The following PALM2AKAP2 variants were observed in gnomAD, a reference collection of about 807,000 sequenced individuals.
The protein encoded by PALM2AKAP2 is PALM2 and AKAP2 fusion.
Under a neutral mutation model 71.5 loss-of-function variants are expected in PALM2AKAP2, and 37 were observed. That is an observed-to-expected ratio of 0.52 (90% CI 0.40 to 0.68). The LOEUF is 0.68. Ranked by LOEUF, PALM2AKAP2 falls within the 30% of genes least tolerant of loss-of-function variation. The probability of loss-of-function intolerance (pLI) is 0.00; values close to 1 mark genes in which losing one functional copy is unlikely to be tolerated. For synonymous variants in PALM2AKAP2, 468 were observed against 478.8 expected (o/e 0.98, Z 0.29); for missense variants, 1,224 against 1,191.8 (o/e 1.03, Z -0.40).
At chr9:109,964,368 C>T (rs1319656140) in intron 6 of PALM2AKAP2, among the ~76,000 whole-genome samples, 2 of 129,750 alleles carry the variant, frequency 1.5e-5, no homozygotes, top group African/African-American at 5.5e-5. Context: ...GCCAAATGGG[C>T]TACTGCAGGC....
At chr9:109,773,756 T>G (rs1176820795) in intron 1 of PALM2AKAP2, among the ~76,000 whole-genome samples, 2 of 134,120 alleles carry the variant, frequency 1.5e-5, no homozygotes, top group Admixed American at 7.6e-5. Flanking sequence ...TGTCTTATGT[T>G]CATTCCACTC....
chr9:109,882,455 C>G (rs889134193), intron 3 of PALM2AKAP2, among the ~76,000 whole-genome samples: 3 of 152,142 alleles, frequency 2.0e-5, no homozygotes, highest in African/African-American at 7.2e-5. Context: ...TATGTATACT[C>G]ACACACACCC....
intron 1 of PALM2AKAP2, among the ~76,000 whole-genome samples, chr9:109,653,193 C>T (rs1827249751): frequency 6.6e-6 from 1 of 152,158 alleles, no homozygotes; most frequent in Non-Finnish European, 1.5e-5. Flanking sequence ...GAATCAGAAA[C>T]TCAGCTTTCA....
chr9:110,114,429 A>T (rs1277119289), intron 1 of PALM2AKAP2, among the ~76,000 whole-genome samples: 2 of 152,184 alleles, frequency 1.3e-5, no homozygotes, highest in Non-Finnish European at 2.9e-5. Context: ...CAAGTGTTAC[A>T]TTCTGAGGTT....
intron 2 of PALM2AKAP2, among the ~76,000 whole-genome samples, chr9:109,875,969 C>T (rs561821112): frequency 1.3e-5 from 2 of 152,248 alleles, no homozygotes; most frequent in East Asian, 3.9e-4. Context: ...TGATGACATT[C>T]GTTTGACAAA....
intron 1 of PALM2AKAP2, among the ~76,000 whole-genome samples, chr9:109,725,165 AG>A (rs1828458167): frequency 2.0e-5 from 3 of 152,328 alleles, no homozygotes; most frequent in Non-Finnish European, 4.4e-5. Context: ...GTAGGAGCCT[AG>A]GGTTGGCAAG....
chr9:109,979,376 G>A (rs899271389), intron 6 of PALM2AKAP2, among the ~76,000 whole-genome samples: 1 of 152,204 alleles, frequency 6.6e-6, no homozygotes, highest in Non-Finnish European at 1.5e-5. Context: ...TGTCTTAAGA[G>A]TCTGAGGGGC....
At chr9:109,897,631 A>G (rs1302668455) in intron 3 of PALM2AKAP2, among the ~76,000 whole-genome samples, 1 of 152,166 alleles carries the variant, frequency 6.6e-6, no homozygotes, top group Non-Finnish European at 1.5e-5. Context: ...TGTTATTATC[A>G]TGACCCAAAT....
intron 5 of PALM2AKAP2, among the ~76,000 whole-genome samples, chr9:109,931,135 C>G (rs1001706284): frequency 1.3e-5 from 2 of 152,178 alleles, no homozygotes; most frequent in African/African-American, 4.8e-5. Flanking sequence ...CCAGATTTGT[C>G]TTGTCTTACC....
chr9:110,137,836 A>G (rs1835927103), exon 2 of PALM2AKAP2: 2 of 1,614,148 alleles, frequency 1.2e-6, no homozygotes, highest in African/African-American at 1.3e-5. Context: ...ACAACCCCTC[A>G]GAGGGCCGAG....
At chr9:109,943,483 C>A (rs906211333) in intron 6 of PALM2AKAP2, 24 of 1,524,824 alleles carry the variant, frequency 1.6e-5, no homozygotes, top group South Asian at 5.2e-5. Flanking sequence ...CTCACGTAGA[C>A]CTCACTGTAC....
At chr9:109,688,817 T>C (rs1039021270) in intron 1 of PALM2AKAP2, among the ~76,000 whole-genome samples, 2 of 152,204 alleles carry the variant, frequency 1.3e-5, no homozygotes, top group African/African-American at 4.8e-5. Flanking sequence ...GTCCAATTCA[T>C]CAGCCTGCCA....
At chr9:109,963,691 C>T (rs1032494628) in intron 6 of PALM2AKAP2, among the ~76,000 whole-genome samples, 1 of 152,176 alleles carries the variant, frequency 6.6e-6, no homozygotes, top group Non-Finnish European at 1.5e-5. Context: ...TGCTCCCTAC[C>T]CCTGTCCCCT....
chr9:109,701,536 G>A (rs1301547650), intron 1 of PALM2AKAP2, among the ~76,000 whole-genome samples: 2 of 152,202 alleles, frequency 1.3e-5, no homozygotes, highest in Non-Finnish European at 2.9e-5. Flanking sequence ...AAACTGGCTA[G>A]CCATATGTAG....
chr9:110,094,889 A>AT (rs1834800440), intron 1 of PALM2AKAP2, among the ~76,000 whole-genome samples: 1 of 152,244 alleles, frequency 6.6e-6, no homozygotes, highest in African/African-American at 2.4e-5. Flanking sequence ...TATTGTTAGC[A>AT]TAGTTCTTTT....
At chr9:110,017,351 G>C (rs973036426) in intron 7 of PALM2AKAP2, among the ~76,000 whole-genome samples, 2 of 152,248 alleles carry the variant, frequency 1.3e-5, no homozygotes, top group African/African-American at 4.8e-5. Context: ...ATAGTAGCCT[G>C]ATTAGTCAAA....
In PALM2AKAP2 at chr9:109,714,150, T is replaced by A. The variant is rs368308655; in HGVS notation, c.6-66338T>A. 1.1e-4 allele frequency among the ~76,000 whole-genome samples: 17 copies of A among 152,358 alleles called. No individual in the cohort carries two copies. The East Asian group carries it at 3.1e-3, about 28-fold the overall frequency. On this transcript the variant is annotated intron_variant, in intron 1 of 6. Coordinates refer to the PALM2AKAP2 transcript ENST00000374531. ...GGGACATTTCATGTCAAAAACCAAA[T>A]TAGTCACCTTTCTCTACAGAAGAGT...
At chr9:109,699,849 C>T (rs1337755712) in intron 1 of PALM2AKAP2, among the ~76,000 whole-genome samples, 1 of 151,050 alleles carries the variant, frequency 6.6e-6, no homozygotes. Flanking sequence ...GATCTCGGCT[C>T]ACTGCAACCT....
At chr9:109,779,301 A>G (rs1829395780), upstream of PALM2AKAP2, among the ~76,000 whole-genome samples, 1 of 152,176 alleles carries the variant, frequency 6.6e-6, no homozygotes, top group Non-Finnish European at 1.5e-5. Context: ...GTCACAAAAG[A>G]CTCACATTAG....
Sources: gnomAD v4.1 joint callset for allele counts (sites outside exome capture counted in the v4.1 genomes callset) on GRCh38, gnomAD v4.1.1 for gene constraint, MANE v1.5 for transcripts, NCBI Gene and HGNC (gene_info 2026-07-23, HGNC 2026-07-21) for gene names.